The following PPARA variants were observed in gnomAD, a reference collection of about 807,000 sequenced individuals.
The protein encoded by PPARA is peroxisome proliferator-activated receptor alpha.
Under a neutral mutation model 42.2 loss-of-function variants are expected in PPARA, and 22 were observed. The observed-to-expected ratio is 0.52, with a 90% confidence interval of 0.37 to 0.74. The LOEUF (loss-of-function observed/expected upper bound fraction) is 0.74, where lower values mean the gene tolerates loss of function less well. Ranked by LOEUF, PPARA falls within the 30% of genes least tolerant of loss-of-function variation. PPARA has a pLI of 0.00. For missense variants in PPARA, 465 were observed against 608.2 expected, an observed-to-expected ratio of 0.76 and a Z score of 2.48; for synonymous variants, 242 against 239.3, an observed-to-expected ratio of 1.01 and a Z score of -0.10.
Position 46,183,139 on chromosome 22 carries a change from C to A in PPARA, c.-43+6303C>A, listed in dbSNP as rs1045800219. ...AAATCCTCATCTGAGGACCCACACT[C>A]GGGTGCCCCAATGTGGCGGTGCTTA... On this transcript the variant is annotated intron_variant, in intron 3 of 8. Transcript: ENST00000407236. This position sits in a 1 kb window ranked among gnomAD's most constrained non-coding sequence, Gnocchi z 5.5. Among the ~76,000 whole-genome samples the A allele has an allele frequency of 1.3e-5, 2 of 152,222 alleles. No individual in the cohort carries two copies. Among genetic ancestry groups the A allele is most frequent in the Non-Finnish European group, 2.9e-5 (2 of 68,042 alleles).
intron 4 of PPARA, among the ~76,000 whole-genome samples, chr22:46,206,588 G>T (rs1309850670): frequency 6.6e-6 from 1 of 152,094 alleles, no homozygotes; most frequent in African/African-American, 2.4e-5. Flanking sequence ...AGAACTTTAT[G>T]ACAGTATACT....
At chr22:46,197,115 T>A (rs1319282941) in intron 3 of PPARA, among the ~76,000 whole-genome samples, 4 of 148,488 alleles carry the variant, frequency 2.7e-5, no homozygotes, top group African/African-American at 7.5e-5. Context: ...GGTGGCACCA[T>A]CTCGGCTCAC....
chr22:46,169,022 C>T (rs1026887296), intron 2 of PPARA, among the ~76,000 whole-genome samples: 1 of 151,680 alleles, frequency 6.6e-6, no homozygotes, highest in Non-Finnish European at 1.5e-5. Flanking sequence ...TTGCCAGGGG[C>T]TCATGGGGAG....
At position 46,236,579 on chromosome 22, in the gene PPARA, T is replaced by A. The variant is rs185287621; in HGVS notation, c.*1199T>A. 8 of 152,802 alleles carry A rather than the reference T, an allele frequency of 5.2e-5. No homozygotes were observed. In the East Asian group the frequency reaches 1.4e-3, roughly 26 times the overall value. 9.5% of individuals were successfully genotyped at this position (152,802 alleles called of 1,614,324 possible). A position where few individuals can be genotyped will look rare whatever the true frequency, so the allele number is the denominator to read the frequency against. ...CAGACTGACACCTTACTTGTCAGTGTTCCTCCGGGCCCCATTTGGCAGCTC... is the reference window on the plus strand; with the variant it reads ...CAGACTGACACCTTACTTGTCAGTGATCCTCCGGGCCCCATTTGGCAGCTC... On this transcript the variant is annotated 3_prime_UTR_variant, in exon 9 of 9. Coordinates refer to ENST00000407236, the MANE Select transcript of PPARA (RefSeq NM_005036.6). This position sits in a 1 kb window ranked among gnomAD's most constrained non-coding sequence, Gnocchi z 5.2.
At chr22:46,215,424 T>G (rs1336603766) in intron 5 of PPARA, 91 bp downstream of exon 5, 13 of 1,542,500 alleles carry the variant, frequency 8.4e-6, no homozygotes, top group Non-Finnish European at 1.2e-5. Flanking sequence ...ACTGAGAGAT[T>G]GCAGAAAGTC....
intron 2 of PPARA, among the ~76,000 whole-genome samples, chr22:46,159,135 G>A (rs1925766258): frequency 6.6e-6 from 1 of 152,020 alleles, no homozygotes; most frequent in African/African-American, 2.4e-5. Flanking sequence ...GAAGTGATCT[G>A]CCCGCCTCAG....
intron 3 of PPARA, 57 bp from the exon 4 acceptor site, chr22:46,198,285 C>G: frequency 1.6e-6 from 1 of 612,096 alleles, no homozygotes; most frequent in South Asian, 2.9e-5. Flanking sequence ...AAAATAAAAA[C>G]AAACAAGTGA....
At position 46,231,541 on chromosome 22, in the gene PPARA, G is replaced by A. The variant is rs553098360; in HGVS notation, c.712-251G>A. On this transcript the variant is annotated intron_variant, in intron 7 of 8. Transcript: ENST00000407236. This position sits in a 1 kb window ranked among gnomAD's most constrained non-coding sequence, Gnocchi z 7.7. ...CAGCCCAGTACTTCAGTTTCTTAGC[G>A]ATGAAATCCACCCAATGTCAGGCGA... 8.5e-5 allele frequency among the ~76,000 whole-genome samples: 13 copies of A among 152,150 alleles called. No individual in the cohort carries two copies. The highest frequency in any genetic ancestry group is 5.8e-4 in the East Asian group (3 of 5,172).
rs1039368928 is a variant in PPARA, at chr22:46,236,853, G to A, written c.*1473G>A. 6.6e-6 allele frequency: 1 copy of A among 152,172 alleles called. No individual in the cohort carries two copies. The highest frequency in any genetic ancestry group is 1.5e-5 in the Non-Finnish European group (1 of 68,036). 9.4% of individuals were successfully genotyped at this position (152,172 alleles called of 1,614,324 possible). A position where few individuals can be genotyped will look rare whatever the true frequency, so the allele number is the denominator to read the frequency against. ...TGGTTTAGGTTGTTAAGTCTCCTTTGTATGTAAGGTAGTTTTTTCAACATC... is the reference window on the plus strand; with the variant it reads ...TGGTTTAGGTTGTTAAGTCTCCTTTATATGTAAGGTAGTTTTTTCAACATC... On this transcript the variant is annotated 3_prime_UTR_variant, in exon 9 of 9. Transcript: ENST00000407236. The surrounding 1 kb of genome is among the most constrained non-coding windows in gnomAD (Gnocchi z 5.2).
In PPARA at chr22:46,183,323, T is replaced by C. The variant is rs1930225223; in HGVS notation, c.-43+6487T>C. On this transcript the variant is annotated intron_variant, in intron 3 of 8. Transcript: ENST00000407236. This position sits in a 1 kb window ranked among gnomAD's most constrained non-coding sequence, Gnocchi z 5.5. ...TTGTTTTAAAAACACATTAGAATAA[T>C]ACTACATTTTCCCTCATCTCTAAAC... is the stretch of plus-strand genomic sequence containing the variant. 6.6e-6 allele frequency among the ~76,000 whole-genome samples: 1 copy of C among 152,222 alleles called. No individual in the cohort carries two copies.
intron 1 of PPARA, chr22:46,151,273 A>G (rs1924379391): frequency 6.6e-6 from 1 of 152,166 alleles, no homozygotes; most frequent in Non-Finnish European, 1.5e-5. Context: ...TTTGTGCCCC[A>G]ACGCGGCGGG....
chr22:46,228,401 T>G (rs1935621031), intron 7 of PPARA, among the ~76,000 whole-genome samples: 1 of 104,542 alleles, frequency 9.6e-6, no homozygotes, highest in Non-Finnish European at 1.9e-5. Flanking sequence ...CAGGCGTGGT[T>G]GGTGGGTGCC....
At chr22:46,168,106 A>C (rs1927356746) in intron 2 of PPARA, among the ~76,000 whole-genome samples, 1 of 151,914 alleles carries the variant, frequency 6.6e-6, no homozygotes. Context: ...TAATCCCAGC[A>C]CTTTGGGAGG....
At chr22:46,179,228 G>A (rs1929598884) in intron 3 of PPARA, among the ~76,000 whole-genome samples, 1 of 152,052 alleles carries the variant, frequency 6.6e-6, no homozygotes, top group South Asian at 2.1e-4. Flanking sequence ...GAAATTTGGG[G>A]GATACATTCA....
rs1232898090 is a variant in PPARA, at chr22:46,198,429, G to C, written c.46G>C (p.Ala16Pro). The C allele has an allele frequency of 4.3e-6, 7 of 1,613,740 alleles. No homozygotes were observed. In the South Asian group the frequency reaches 4.4e-5, roughly 10 times the overall value. ...SPLCPLSPLE[A>P]GDLESPLSEE... is the part of the protein sequence containing the mutation. ...ACTCTGCCCCCTCTCCCCACTCGAG[G>C]CCGGCGATCTAGAGAGCCCGTTATC... The change falls in exon 4 of 9, where the codon GCC becomes CCC. Residue 16 changes from alanine to proline, a missense_variant. Physicochemically the swap from Ala to Pro is conservative, Grantham distance 27 (BLOSUM62 -1). This residue lies in a region of PPARA where 152 missense variants were observed against 139.1 expected (regional missense o/e 1.09). Coordinates refer to ENST00000407236, the MANE Select transcript of PPARA (RefSeq NM_005036.6).
intron 3 of PPARA, among the ~76,000 whole-genome samples, chr22:46,189,853 C>A (rs981207130): frequency 6.6e-6 from 1 of 152,016 alleles, no homozygotes; most frequent in Non-Finnish European, 1.5e-5. Context: ...ACTACAGGCA[C>A]GTGCCACCAC....
At chr22:46,220,045 T>G (rs1934874133) in intron 7 of PPARA, 31 bp downstream of exon 7, 1 of 1,607,652 alleles carries the variant, frequency 6.2e-7, no homozygotes, top group Non-Finnish European at 8.5e-7. Context: ...TGGGTTCTCT[T>G]GGCAACATGG....
chr22:46,197,342 G>A (rs1487423145), intron 3 of PPARA, among the ~76,000 whole-genome samples: 2 of 152,102 alleles, frequency 1.3e-5, no homozygotes, highest in Non-Finnish European at 2.9e-5. Flanking sequence ...GAGCCACTGT[G>A]CCCGGCCCAG....
In PPARA at chr22:46,150,926, G is replaced by A. The variant is rs995897314; in HGVS notation, c.-210+274G>A. 6.6e-6 allele frequency: 1 copy of A among 152,138 alleles called. No individual in the cohort carries two copies. Among genetic ancestry groups the A allele is most frequent in the Non-Finnish European group, 1.5e-5 (1 of 68,042 alleles). The allele number at this position is 152,138 out of a possible 1,614,324, so 9.4% of individuals were successfully genotyped here. ...AGCTCGGCCTCCCTCCTAGCGCTGG[G>A]GGCCTGCCCGGAACCCGAGTCCGCG... is the stretch of plus-strand genomic sequence containing the variant. On this transcript the variant is annotated intron_variant, in intron 1 of 8. Transcript: ENST00000407236. The surrounding 1 kb of genome is among the most constrained non-coding windows in gnomAD (Gnocchi z 7.5).
Sources: allele counts gnomAD v4.1 joint callset (sites outside exome capture counted in the v4.1 genomes callset), GRCh38; gene constraint gnomAD v4.1.1; regional missense constraint gnomAD v4.1.1; non-coding constraint Gnocchi (gnomAD v3.1); transcripts MANE v1.5; gene names NCBI Gene and HGNC (gene_info 2026-07-23, HGNC 2026-07-21).